CNTN6: variants seen among roughly 807,000 people sequenced by gnomAD.
The protein encoded by CNTN6 is contactin 6.
In CNTN6, 137 loss-of-function variants were observed where a neutral mutation model predicts 122.8. The observed-to-expected ratio is 1.12, with a 90% confidence interval of 0.97 to 1.29. The LOEUF (loss-of-function observed/expected upper bound fraction) is 1.29. Ranked by LOEUF, CNTN6 falls within the 50% of genes most tolerant of loss-of-function variation. The pLI is 0.00. For missense variants in CNTN6, 1,634 were observed against 1,223.4 expected (o/e 1.34, Z -5.01); for synonymous variants, 570 against 426.0 (o/e 1.34, Z -4.16).
chr3:1,232,421 A>C (rs6766483), intron 4 of CNTN6, among the ~76,000 whole-genome samples: 33,781 of 152,134 alleles, frequency 0.22, 4,610 homozygotes, highest in African/African-American at 0.37. Flanking sequence ...TTCCTGTCTC[A>C]ACAGAACAGA....
chr3:1,153,162 G>A (rs190024545), intron 2 of CNTN6, among the ~76,000 whole-genome samples: 1 of 152,202 alleles, frequency 6.6e-6, no homozygotes, highest in Non-Finnish European at 1.5e-5. Context: ...TACCTATTTG[G>A]TTAGTCCTGA....
intron 4 of CNTN6, among the ~76,000 whole-genome samples, chr3:1,271,649 A>C (rs1334521998): frequency 1.1e-4 from 17 of 152,160 alleles, no homozygotes; most frequent in Admixed American, 1.0e-3. Flanking sequence ...GAGAGGTACA[A>C]ATAAGGATTC....
At chr3:1,107,914 A>G (rs2091300800) in intron 1 of CNTN6, among the ~76,000 whole-genome samples, 1 of 152,118 alleles carries the variant, frequency 6.6e-6, no homozygotes, top group Non-Finnish European at 1.5e-5. Flanking sequence ...ATTTAAGAGT[A>G]TAACTGGGAC....
At chr3:1,235,395 CA>C (rs1231232805) in intron 4 of CNTN6, among the ~76,000 whole-genome samples, 6 of 151,818 alleles carry the variant, frequency 4.0e-5, no homozygotes, top group South Asian at 2.1e-4. Flanking sequence ...GTTCAAATTA[CA>C]GTGACATTTT....
chr3:1,378,924 T>G (rs1392488529), intron 17 of CNTN6, among the ~76,000 whole-genome samples: 1 of 152,134 alleles, frequency 6.6e-6, no homozygotes, highest in Non-Finnish European at 1.5e-5. Flanking sequence ...CCAAACATAT[T>G]TCCCATAAAA....
intron 20 of CNTN6, chr3:1,401,145 A>C: frequency 3.2e-6 from 1 of 310,380 alleles, no homozygotes. Context: ...GTCTGTTTAT[A>C]TATGATAAAG....
At chr3:1,329,998 G>C (rs756987097) in intron 11 of CNTN6, 63 bp downstream of exon 11, 98 of 1,267,842 alleles carry the variant, frequency 7.7e-5, no homozygotes, top group Non-Finnish European at 9.7e-5. Flanking sequence ...CAAATTTTTA[G>C]GTTTTAGTAG....
chr3:1,349,881 CTGTT>C (rs1393764143), intron 11 of CNTN6, among the ~76,000 whole-genome samples: 21 of 151,602 alleles, frequency 1.4e-4, no homozygotes, highest in Middle Eastern at 3.4e-3. Context: ...AATATCTGTA[CTGTT>C]TGTTATGCCA....
intron 5 of CNTN6, among the ~76,000 whole-genome samples, chr3:1,281,297 C>T (rs975465088): frequency 6.6e-6 from 1 of 152,074 alleles, no homozygotes; most frequent in African/African-American, 2.4e-5. Context: ...CACAGAGAAA[C>T]GTCCTAGAAA....
At position 1,277,346 on chromosome 3, in the gene CNTN6, C is replaced by CTTTTTTTTTTTTTTTTTTTTTTTTTT. The variant is rs10599744; in HGVS notation, c.359-1061_359-1036dup. Among the ~76,000 whole-genome samples the CTTTTTTTTTTTTTTTTTTTTTTTTTT allele has an allele frequency of 1.5e-4, 12 of 80,194 alleles. 1 individual carries two copies. The highest frequency in any genetic ancestry group is 4.1e-4 in the South Asian group (1 of 2,450). The allele number at this position is 80,194 out of a possible 152,430, so 52.6% of individuals were successfully genotyped here. On this transcript the variant is annotated intron_variant, in intron 4 of 22. Coordinates refer to ENST00000446702, the MANE Select transcript of CNTN6 (RefSeq NM_001289080.2). Reference sequence around the variant, plus strand: ...CTACTTCTGTCTTTTAGTAGGTTTTCTTTTTTTTTTTTTTTTTTTTTTTTT... The same window carrying CTTTTTTTTTTTTTTTTTTTTTTTTTT: ...CTACTTCTGTCTTTTAGTAGGTTTTCTTTTTTTTTTTTTTTTTTTTTTTTTTTTTTTTTTTTTTTTTTTTTTTTTTT...
intron 8 of CNTN6, among the ~76,000 whole-genome samples, chr3:1,324,969 G>C (rs1499118): frequency 0.44 from 63,092 of 143,404 alleles, 14,979 homozygotes; most frequent in East Asian, 0.76. Flanking sequence ...CAAGGGAAGC[G>C]TCATATACTT....
intron 2 of CNTN6, among the ~76,000 whole-genome samples, chr3:1,216,141 C>A (rs1253149769): frequency 6.7e-6 from 1 of 148,198 alleles, no homozygotes; most frequent in East Asian, 1.9e-4. Flanking sequence ...TCCATATTTC[C>A]CCACTTTACT....
chr3:1,283,622 C>T (rs972381317), intron 5 of CNTN6, among the ~76,000 whole-genome samples: 1 of 152,092 alleles, frequency 6.6e-6, no homozygotes, highest in South Asian at 2.1e-4. Flanking sequence ...ATGTTATCTA[C>T]AATAATTAAA....
intron 4 of CNTN6, among the ~76,000 whole-genome samples, chr3:1,243,423 C>T (rs192736989): frequency 4.9e-4 from 75 of 152,142 alleles, no homozygotes; most frequent in Middle Eastern, 3.4e-3. Context: ...ACCTTGAAGA[C>T]GAGGTTAATT....
chr3:1,231,818 C>T (rs1273012174), intron 4 of CNTN6, among the ~76,000 whole-genome samples: 2 of 152,200 alleles, frequency 1.3e-5, no homozygotes, highest in African/African-American at 2.4e-5. Context: ...CCAAACTCTA[C>T]CCTAAAACAA....
intron 4 of CNTN6, among the ~76,000 whole-genome samples, chr3:1,262,831 C>T (rs1483932249): frequency 6.6e-6 from 1 of 151,542 alleles, no homozygotes; most frequent in Admixed American, 6.6e-5. Flanking sequence ...GTACAATATG[C>T]TTGTATAGTA....
At chr3:1,119,835 A>G (rs531270303) in intron 1 of CNTN6, among the ~76,000 whole-genome samples, 1 of 152,178 alleles carries the variant, frequency 6.6e-6, no homozygotes, top group South Asian at 2.1e-4. Context: ...CTATCAAAAT[A>G]CAGAATACTT....
intron 1 of CNTN6, among the ~76,000 whole-genome samples, chr3:1,112,450 A>G (rs2091524061): frequency 6.6e-6 from 1 of 152,142 alleles, no homozygotes; most frequent in Non-Finnish European, 1.5e-5. Context: ...GTCCAAAGCC[A>G]AAAACCTGAG....
At chr3:1,114,835 GTCACAC>G (rs963689141) in intron 1 of CNTN6, among the ~76,000 whole-genome samples, 1 of 152,072 alleles carries the variant, frequency 6.6e-6, no homozygotes, top group African/African-American at 2.4e-5. Context: ...GGAGAAAAAA[GTCACAC>G]TAAAGTGCTT....
Sources: gnomAD v4.1 joint callset for allele counts (sites outside exome capture counted in the v4.1 genomes callset) on GRCh38, gnomAD v4.1.1 for gene constraint, MANE v1.5 for transcripts, NCBI Gene and HGNC (gene_info 2026-07-23, HGNC 2026-07-21) for gene names.